PDE8B: variants seen among roughly 807,000 people sequenced by gnomAD.
The protein encoded by PDE8B is high affinity cAMP-specific and IBMX-insensitive 3',5'-cyclic phosphodiesterase 8B.
PDE8B carries 26 observed loss-of-function variants against 101.3 expected under a neutral mutation model. That is an observed-to-expected ratio of 0.26 (90% CI 0.19 to 0.36). PDE8B has a LOEUF of 0.36. Among genes scored for constraint, PDE8B ranks in the 10% least tolerant of loss-of-function variants. PDE8B has a pLI of 1.00. For synonymous variants in PDE8B, 424 were observed against 429.3 expected (o/e 0.99, Z 0.15); for missense variants, 810 against 1,163.1 (o/e 0.70, Z 4.42).
At chr5:77,276,460 C>T (rs1391469565) in intron 1 of PDE8B, among the ~76,000 whole-genome samples, 2 of 152,202 alleles carry the variant, frequency 1.3e-5, no homozygotes, top group Admixed American at 6.5e-5. Context: ...CTGTCATTCT[C>T]ATGTTTGTTT....
Position 77,403,823 on chromosome 5 carries a change from C to CTT in PDE8B, c.1211-887_1211-886dup, listed in dbSNP as rs201207123. Among the ~76,000 whole-genome samples, 26 of 146,404 alleles carry CTT rather than the reference C, an allele frequency of 1.8e-4. No individual in the cohort carries two copies. In the East Asian group the frequency reaches 2.0e-3, roughly 11 times the overall value. On this transcript the variant is annotated intron_variant, in intron 11 of 21. Coordinates refer to ENST00000264917, the MANE Select transcript of PDE8B (RefSeq NM_003719.5). The stretch of plus-strand genomic sequence containing the variant: ...GTTTTAATGTTTATTTTCTTAAATT[C>CTT]TTTTTTTTTTTGGAGACAGAGTTTC...
At position 77,413,255 on chromosome 5, in the gene PDE8B, T is replaced by C. The variant is rs1176100355; in HGVS notation, c.1857T>C (p.His619=). 7 of 1,613,996 alleles carry C rather than the reference T, an allele frequency of 4.3e-6. No individual in the cohort carries two copies. Among genetic ancestry groups the C allele is most frequent in the East Asian group, 2.2e-5 (1 of 44,900 alleles). Residue 619 remains histidine (H), a synonymous_variant, in exon 17 of 22, where the codon CAT becomes CAC. Coordinates refer to ENST00000264917, the MANE Select transcript of PDE8B (RefSeq NM_003719.5). ...HSSNAYHNST[H]AADVLHATAF... is the part of the protein sequence containing the mutation. ...CCAATGCCTACCACAACTCCACCCA[T>C]GCTGCCGACGTCCTGCACGCCACCG...
chr5:77,324,219 G>A (rs537849674), intron 2 of PDE8B, among the ~76,000 whole-genome samples: 3 of 152,180 alleles, frequency 2.0e-5, no homozygotes, highest in Admixed American at 2.0e-4. Flanking sequence ...TAGATCTATT[G>A]CTGGGAGGTG....
At chr5:77,196,924 T>TTGGATATTTC in the PDE8B span, among the ~76,000 whole-genome samples, 6 of 152,236 alleles carry the variant, frequency 3.9e-5, no homozygotes, top group Admixed American at 3.3e-4. Context: ...TTGGATATTT[T>TTGGATATTTC]TGGATATTTC....
chr5:77,210,080 GC>G (rs1747916525), upstream of PDE8B, among the ~76,000 whole-genome samples: 2 of 152,170 alleles, frequency 1.3e-5, no homozygotes, highest in Non-Finnish European at 2.9e-5. The surrounding 1 kb of genome is among the most constrained non-coding windows in gnomAD (Gnocchi z 4.9). Flanking sequence ...CGGTGGGTGG[GC>G]CTGGGCTGTA....
intron 10 of PDE8B, among the ~76,000 whole-genome samples, chr5:77,374,590 G>A (rs1785698652): frequency 6.6e-6 from 1 of 152,016 alleles, no homozygotes. Flanking sequence ...GCCTAATATG[G>A]TACCAATTCA....
intron 1 of PDE8B, among the ~76,000 whole-genome samples, chr5:77,265,723 G>A (rs2149733256): frequency 6.6e-6 from 1 of 152,220 alleles, no homozygotes; most frequent in East Asian, 1.9e-4. Flanking sequence ...GTCATGCTAG[G>A]GAAGCGTAAG....
the PDE8B span, among the ~76,000 whole-genome samples, chr5:77,096,353 C>A: frequency 6.6e-6 from 1 of 152,148 alleles, no homozygotes; most frequent in Non-Finnish European, 1.5e-5. Context: ...TCCCTAGCTT[C>A]TGGTGGTGGT....
intron 10 of PDE8B, among the ~76,000 whole-genome samples, chr5:77,382,581 C>T (rs1274825972): frequency 2.0e-5 from 3 of 152,040 alleles, no homozygotes; most frequent in South Asian, 4.2e-4. Flanking sequence ...TCCCCTAACC[C>T]CCACCCCACC....
chr5:77,138,337 G>A, the PDE8B span, among the ~76,000 whole-genome samples: 11 of 152,248 alleles, frequency 7.2e-5, no homozygotes, highest in Middle Eastern at 0.014. Context: ...TTTTGGGACA[G>A]GTGACACTTT....
chr5:77,220,465 A>G (rs573551488), intron 1 of PDE8B, among the ~76,000 whole-genome samples: 1 of 152,226 alleles, frequency 6.6e-6, no homozygotes, highest in East Asian at 1.9e-4. Flanking sequence ...TGAATCCTAA[A>G]ACACAACCAG....
the PDE8B span, among the ~76,000 whole-genome samples, chr5:77,120,718 C>T: frequency 5.5e-4 from 84 of 152,294 alleles, no homozygotes; most frequent in African/African-American, 1.6e-3. Context: ...AACACATGAT[C>T]ACATTGGCTA....
intron 5 of PDE8B, among the ~76,000 whole-genome samples, chr5:77,335,987 A>G (rs1235985973): frequency 6.6e-6 from 1 of 152,174 alleles, no homozygotes; most frequent in African/African-American, 2.4e-5. Context: ...TAGCATATAT[A>G]AGAAATGTAA....
chr5:77,138,121 A>G, the PDE8B span, among the ~76,000 whole-genome samples: 1 of 152,188 alleles, frequency 6.6e-6, no homozygotes, highest in Admixed American at 6.5e-5. Flanking sequence ...TTATCTGAAC[A>G]TCTAGTAATA....
At chr5:77,210,577 G>A (rs1748031818), upstream of PDE8B, 1 of 968,518 alleles carries the variant, frequency 1.0e-6, no homozygotes, top group African/African-American at 1.8e-5. This position sits in a 1 kb window ranked among gnomAD's most constrained non-coding sequence, Gnocchi z 4.9. Flanking sequence ...GCTGGGCGGC[G>A]GCGGGGGCCG....
intron 4 of PDE8B, 88 bp downstream of exon 4, chr5:77,329,145 G>A: frequency 1.0e-6 from 1 of 1,004,452 alleles, no homozygotes; most frequent in East Asian, 2.4e-5. Context: ...AGCTATCTAA[G>A]CAATGGGTGT....
At chr5:77,353,783 C>T (rs1489240975) in intron 10 of PDE8B, among the ~76,000 whole-genome samples, 1 of 152,108 alleles carries the variant, frequency 6.6e-6, no homozygotes, top group Non-Finnish European at 1.5e-5. Context: ...AAACAAGAAT[C>T]ATTCCAAATT....
rs114010835 is a variant in PDE8B at position 77,258,260 on chromosome 5, G to A, written c.339+46996G>A. On this transcript the variant is annotated intron_variant, in intron 1 of 21. Transcript: ENST00000264917. Reference sequence around the variant, plus strand: ...GCCGAGATTGCATCACTGCACATCAGCCTGGGTGACAAAAGCGAGACTCCA... The same window carrying A: ...GCCGAGATTGCATCACTGCACATCAACCTGGGTGACAAAAGCGAGACTCCA... Among the ~76,000 whole-genome samples the A allele has an allele frequency of 4.9e-3, 650 of 131,560 alleles. 9 individuals are homozygous for A. The highest frequency in any genetic ancestry group is 0.018 in the African/African-American group (615 of 34,384). 86.3% of individuals were successfully genotyped at this position (131,560 alleles called of 152,430 possible). A position where few individuals can be genotyped will look rare whatever the true frequency, so the allele number is the denominator to read the frequency against.
At chr5:77,228,018 C>T (rs1315515902) in intron 1 of PDE8B, among the ~76,000 whole-genome samples, 2 of 152,154 alleles carry the variant, frequency 1.3e-5, no homozygotes, top group Non-Finnish European at 2.9e-5. Context: ...GGGTCCTGTA[C>T]TTCAGGGTGT....
Sources: allele counts gnomAD v4.1 joint callset (sites outside exome capture counted in the v4.1 genomes callset), GRCh38; gene constraint gnomAD v4.1.1; non-coding constraint Gnocchi (gnomAD v3.1); transcripts MANE v1.5; gene names NCBI Gene and HGNC (gene_info 2026-07-23, HGNC 2026-07-21).